The following R3HDM4 variants were observed in gnomAD, a reference collection of about 807,000 sequenced individuals.
The protein encoded by R3HDM4 is R3H domain containing 4, also known as R3H domain-containing protein 4.
Under a neutral mutation model 31.3 loss-of-function variants are expected in R3HDM4, and 30 were observed. The ratio of observed to expected loss-of-function variants is 0.96; its 90% CI spans 0.72 to 1.30. The LOEUF is 1.30. R3HDM4 is among the 50% of genes most tolerant of loss of function. The probability of loss-of-function intolerance (pLI) is 0.00; values close to 1 mark genes in which losing one functional copy is unlikely to be tolerated. For missense variants in R3HDM4, 444 were observed against 366.1 expected (o/e 1.21, Z -1.74); for synonymous variants, 196 against 156.6 (o/e 1.25, Z -1.88).
intron 4 of R3HDM4, among the ~76,000 whole-genome samples, chr19:900,416 C>A (rs2036812679): frequency 1.3e-5 from 2 of 151,774 alleles, no homozygotes; most frequent in South Asian, 4.2e-4. Context: ...CAGGCCCACA[C>A]AAGCCAGCTA....
At chr19:910,279 C>T (rs189108896) in intron 1 of R3HDM4, among the ~76,000 whole-genome samples, 4 of 151,816 alleles carry the variant, frequency 2.6e-5, no homozygotes, top group South Asian at 2.1e-4. Flanking sequence ...GAGCCGAGAT[C>T]GCACTACTGT....
At chr19:901,021 G>T in intron 3 of R3HDM4, 69 bp from the exon 4 acceptor site, 4 of 1,492,010 alleles carry the variant, frequency 2.7e-6, no homozygotes, top group Non-Finnish European at 3.6e-6. Context: ...CCGGGCAAAT[G>T]GGCACGGTAA....
In R3HDM4 at chr19:902,036, G is replaced by A. The variant is rs1207281237; in HGVS notation, c.166C>T (p.Arg56Trp). The change falls in exon 2 of 8, where the codon CGG becomes TGG. Residue 56 changes from arginine to tryptophan, a missense_variant. Physicochemically the swap from Arg to Trp is moderately radical, Grantham distance 101 (BLOSUM62 -3). Transcript: ENST00000361574. ...RKQHFINQAVRNSDLVPKAKG... is the reference protein window; with the variant it reads ...RKQHFINQAVWNSDLVPKAKG... ...GCCTTGGGCACGAGGTCTGAGTTCC[G>A]CACTGCCTGGTTGATGAAGTGCTGT... 6 of 1,613,808 alleles carry A rather than the reference G, an allele frequency of 3.7e-6. No individual in the cohort carries two copies. Among genetic ancestry groups the A allele is most frequent in the African/African-American group, 2.7e-5 (2 of 74,948 alleles).
Position 913,007 on chromosome 19 carries a change from G to C in R3HDM4, c.71+80C>G. On this transcript the variant is annotated intron_variant, in intron 1 of 7. Transcript: ENST00000361574. This position sits in a 1 kb window ranked among gnomAD's most constrained non-coding sequence, Gnocchi z 5.0. ...AGGGGAGGGAAGGGAAAGGAGGGGA[G>C]GGGAGGCGGGGAGAGGATCTCAGGG... 2.1e-6 allele frequency: 1 copy of C among 477,210 alleles called. No homozygotes were observed. The highest frequency in any genetic ancestry group is 2.8e-6 in the Non-Finnish European group (1 of 356,112). 29.6% of individuals were successfully genotyped at this position (477,210 alleles called of 1,614,324 possible).
intron 1 of R3HDM4, among the ~76,000 whole-genome samples, chr19:903,241 A>C (rs2046476): frequency 0.34 from 48,919 of 142,742 alleles, 8,742 homozygotes; most frequent in Middle Eastern, 0.48. Context: ...CCCCCCGCAA[A>C]CCCCCCCCTT....
chr19:908,167 G>C (rs1401879160), intron 1 of R3HDM4, among the ~76,000 whole-genome samples: 1 of 151,954 alleles, frequency 6.6e-6, no homozygotes, highest in Non-Finnish European at 1.5e-5. Context: ...ACTCCAGCCT[G>C]AGTGACACAG....
intron 1 of R3HDM4, among the ~76,000 whole-genome samples, chr19:912,633 C>T (rs1275344588): frequency 5.9e-4 from 38 of 64,272 alleles, no homozygotes; most frequent in Non-Finnish European, 5.9e-5. Context: ...GGGCGCGGAC[C>T]GGAGAGTGGG....
In R3HDM4 at chr19:897,507, ACCTTCATCTGCCGCTTCC is replaced by A; in HGVS notation, c.719_736del (p.Gly240_Lys245del). The A allele has an allele frequency of 1.9e-6, 3 of 1,612,928 alleles. No individual in the cohort carries two copies. Among genetic ancestry groups the A allele is most frequent in the Non-Finnish European group, 2.5e-6 (3 of 1,179,718 alleles). On this transcript the variant is annotated inframe_deletion, in exon 8 of 8. Transcript: ENST00000361574. ...CAGGAAATCCAGGTGCCGATTACTG[ACCTTCATCTGCCGCTTCC>A]CCTCCAGGTCAGCACCTGCAGACGG...
intron 1 of R3HDM4, among the ~76,000 whole-genome samples, chr19:905,074 G>A (rs532704360): frequency 1.4e-4 from 21 of 152,206 alleles, no homozygotes; most frequent in African/African-American, 3.9e-4. Context: ...CGGGCGTGGT[G>A]GCATGCACCT....
chr19:912,758 G>A (rs2145308323), intron 1 of R3HDM4, among the ~76,000 whole-genome samples: 1 of 131,308 alleles, frequency 7.6e-6, no homozygotes, highest in Middle Eastern at 3.9e-3. Flanking sequence ...GCGGACCGGG[G>A]ATTAGGGGGC....
At chr19:909,394 A>G (rs887202719) in intron 1 of R3HDM4, among the ~76,000 whole-genome samples, 4 of 152,158 alleles carry the variant, frequency 2.6e-5, no homozygotes, top group African/African-American at 9.7e-5. Context: ...AGCAGTCCCC[A>G]ACCCCCCACC....
At chr19:901,676 T>A (rs2036839391) in intron 2 of R3HDM4, 130 bp from the exon 3 acceptor site, 2 of 1,262,948 alleles carry the variant, frequency 1.6e-6, no homozygotes, top group Non-Finnish European at 2.2e-6. Context: ...CCAACTGTCT[T>A]CCCCAGAAGG....
chr19:904,933 G>A (rs1427944326), intron 1 of R3HDM4, among the ~76,000 whole-genome samples: 1 of 152,214 alleles, frequency 6.6e-6, no homozygotes. Flanking sequence ...TTGGCCGGGC[G>A]TGGTGGCTCA....
chr19:899,406 C>G lies in R3HDM4; in HGVS notation c.703+34G>C. 1 of 1,610,662 alleles carries G rather than the reference C, an allele frequency of 6.2e-7. No homozygotes were observed. The highest frequency in any genetic ancestry group is 8.5e-7 in the Non-Finnish European group (1 of 1,177,510). On this transcript the variant is annotated intron_variant, in intron 7 of 7. Coordinates refer to ENST00000361574, the MANE Select transcript of R3HDM4 (RefSeq NM_138774.4). The surrounding 1 kb of genome is among the most constrained non-coding windows in gnomAD (Gnocchi z 6.8). ...TGGCCACTTTCCCAGGTTGAGCTGGCCAACTTGGGGTCTTGGGGGCCACCG... is the reference window on the plus strand; with the variant it reads ...TGGCCACTTTCCCAGGTTGAGCTGGGCAACTTGGGGTCTTGGGGGCCACCG...
chr19:913,068 C>T lies in R3HDM4; in HGVS notation c.71+19G>A. On this transcript the variant is annotated intron_variant, in intron 1 of 7. Transcript: ENST00000361574. The surrounding 1 kb of genome is among the most constrained non-coding windows in gnomAD (Gnocchi z 5.0). ...AGCCCGCCCCCGGCGCCCGCCGCGC[C>T]CCGCCCGCCCGCGCTCACAGCAGCC... The T allele has an allele frequency of 2.0e-6, 2 of 1,022,352 alleles. No homozygotes were observed. The highest frequency in any genetic ancestry group is 2.4e-6 in the Non-Finnish European group (2 of 851,056). The allele number at this position is 1,022,352 out of a possible 1,614,324, so 63.3% of individuals were successfully genotyped here.
chr19:901,163 G>T, intron 3 of R3HDM4: 3 of 688,122 alleles, frequency 4.4e-6, no homozygotes, highest in Non-Finnish European at 7.1e-6. Context: ...GGGTGGGGGG[G>T]ATTGAGGTGA....
At chr19:905,069 G>C (rs755275617) in intron 1 of R3HDM4, among the ~76,000 whole-genome samples, 1 of 152,044 alleles carries the variant, frequency 6.6e-6, no homozygotes, top group Non-Finnish European at 1.5e-5. Flanking sequence ...TAAGCCGGGC[G>C]TGGTGGCATG....
intron 1 of R3HDM4, among the ~76,000 whole-genome samples, chr19:903,491 G>A (rs776875316): frequency 1.2e-4 from 18 of 152,086 alleles, no homozygotes; most frequent in Non-Finnish European, 1.9e-4. Context: ...CCGGGCACCC[G>A]GGAAGCGGGC....
chr19:908,746 A>C (rs2036935720), intron 1 of R3HDM4, among the ~76,000 whole-genome samples: 7 of 147,432 alleles, frequency 4.7e-5, no homozygotes, highest in African/African-American at 5.0e-5. Context: ...TGTGTTCACC[A>C]CCCCCAGGAA....
Sources: allele counts gnomAD v4.1 joint callset (sites outside exome capture counted in the v4.1 genomes callset), GRCh38; gene constraint gnomAD v4.1.1; non-coding constraint Gnocchi (gnomAD v3.1); transcripts MANE v1.5; gene names NCBI Gene and HGNC (gene_info 2026-07-23, HGNC 2026-07-21).